Variants in ZNF793 observed in about 807,000 individuals in gnomAD.
ZNF793 encodes the protein zinc finger protein 793.
Under a neutral mutation model 12.4 loss-of-function variants are expected in ZNF793, and 5 were observed. The ratio of observed to expected loss-of-function variants is 0.40; its 90% CI spans 0.21 to 0.84. The LOEUF is 0.84. ZNF793 is among the 40% of genes least tolerant of loss of function. ZNF793 has a pLI of 0.35. For missense variants in ZNF793, 456 were observed against 495.0 expected, an observed-to-expected ratio of 0.92 and a Z score of 0.75; for synonymous variants, 162 against 172.4, an observed-to-expected ratio of 0.94 and a Z score of 0.47.
In ZNF793 at chr19:37,537,000, T is replaced by A; in HGVS notation, c.342T>A (p.Cys114Ter). The change falls in exon 8 of 8, where the codon TGT (cysteine) becomes TGA (stop). Residue 114 changes from cysteine to a stop codon, truncating the protein, a stop_gained. Transcript: ENST00000627814. LOFTEE classifies it low-confidence loss of function (END_TRUNC). Reference protein sequence around the residue: ...SKKTLPKEKSCEYNKFGKISL... With the variant: ...SKKTLPKEKS ...AAACATTGCCCAAGGAGAAAAGCTG[T>A]GAATATAATAAGTTTGGGAAAATAT... 1 of 1,613,918 alleles carries A rather than the reference T, an allele frequency of 6.2e-7. No homozygotes were observed. Among genetic ancestry groups the A allele is most frequent in the East Asian group, 2.2e-5 (1 of 44,882 alleles).
At chr19:37,513,411 T>C (rs1453056362) in intron 2 of ZNF793, among the ~76,000 whole-genome samples, 1 of 152,202 alleles carries the variant, frequency 6.6e-6, no homozygotes, top group Non-Finnish European at 1.5e-5. Flanking sequence ...AAAGTCCTAT[T>C]TGCATACAAA....
At chr19:37,521,847 A>G (rs866668921) in intron 3 of ZNF793, among the ~76,000 whole-genome samples, 15 of 152,220 alleles carry the variant, frequency 9.9e-5, no homozygotes, top group Middle Eastern at 6.8e-3. Context: ...ATCTATATAA[A>G]GCCATGTTTG....
intron 6 of ZNF793, 112 bp from the exon 7 acceptor site, chr19:37,533,196 T>A: frequency 1.2e-6 from 1 of 810,058 alleles, no homozygotes; most frequent in Non-Finnish European, 2.0e-6. Flanking sequence ...ACAAGGTGTG[T>A]GTTTAGTCCC....
chr19:37,537,278 C>A lies in ZNF793; in HGVS notation c.620C>A (p.Pro207Gln). Residue 207 changes from proline (P) to glutamine (Q), a missense_variant, in exon 8 of 8, where the codon CCA (proline) becomes CAA (glutamine). Coordinates refer to ENST00000627814, the MANE Select transcript of ZNF793 (RefSeq NM_001013659.3). ...CAGAACCCGGCACTTATGTATAAAC[C>A]AGCAGTAAGTGATTCTCTCTTGTAC... is the stretch of plus-strand genomic sequence containing the variant. ...FTQNPALMYKPAVSDSLLYKR... is the reference protein window; with the variant it reads ...FTQNPALMYKQAVSDSLLYKR... 6.2e-7 allele frequency: 1 copy of A among 1,613,844 alleles called. No individual in the cohort carries two copies.
intron 7 of ZNF793, 199 bp from the exon 8 acceptor site, chr19:37,536,698 C>A: frequency 1.7e-6 from 1 of 577,200 alleles, no homozygotes; most frequent in Non-Finnish European, 2.9e-6. Context: ...AATTATTGGT[C>A]TCTATACTCT....
chr19:37,507,502 G>T (rs1197914358), intron 1 of ZNF793, among the ~76,000 whole-genome samples: 1 of 152,178 alleles, frequency 6.6e-6, no homozygotes, highest in Non-Finnish European at 1.5e-5. Context: ...GAGGTCAGTG[G>T]TGATGAATGT....
chr19:37,537,657 C>T lies in ZNF793; in HGVS notation c.999C>T (p.His333=), dbSNP rs1319126625. Residue 333 remains histidine (H), a synonymous_variant, in exon 8 of 8, where the codon CAC becomes CAT. Coordinates refer to ENST00000627814, the MANE Select transcript of ZNF793 (RefSeq NM_001013659.3). ...KSYLNVHRKM[H]TGERPYRCRE... ...ACCTCAATGTACATCGAAAAATGCA[C>T]ACAGGAGAAAGACCGTATCGTTGCA... 3.7e-6 allele frequency: 6 copies of T among 1,613,730 alleles called. No individual in the cohort carries two copies. Among genetic ancestry groups the T allele is most frequent in the Non-Finnish European group, 5.1e-6 (6 of 1,179,720 alleles).
rs772159185 is a variant in ZNF793, at chr19:37,523,454, G to C, written c.15G>C (p.Gln5His). Residue 5 changes from glutamine to histidine, a missense_variant and splice_region_variant, in exon 5 of 8, where the codon CAG (glutamine) becomes CAC (histidine). By Grantham distance (24) the Gln-to-His change is conservative. Coordinates refer to ENST00000627814, the MANE Select transcript of ZNF793 (RefSeq NM_001013659.3). ...AACAGCAGAAAATGATCGAATACCA[G>C]GTAAGTATCACATTAAGTAGCCCAG... is the stretch of plus-strand genomic sequence containing the variant. MIEYQIPVSFKDVVV... is the reference protein window; with the variant it reads MIEYHIPVSFKDVVV... The C allele has an allele frequency of 1.2e-5, 20 of 1,613,682 alleles. No individual in the cohort carries two copies. The highest frequency in any genetic ancestry group is 1.7e-5 in the Non-Finnish European group (20 of 1,179,670).
intron 3 of ZNF793, among the ~76,000 whole-genome samples, chr19:37,521,360 C>T (rs945330747): frequency 2.7e-5 from 4 of 149,642 alleles, no homozygotes; most frequent in East Asian, 2.0e-4. Flanking sequence ...CGACCTCAAG[C>T]GATCCACCCA....
Position 37,516,296 on chromosome 19 carries a change from G to A in ZNF793, c.-275-3888G>A, listed in dbSNP as rs569308744. Among the ~76,000 whole-genome samples, 5 of 152,160 alleles carry A rather than the reference G, an allele frequency of 3.3e-5. 1 individual carries two copies. The highest frequency in any genetic ancestry group is 7.2e-5 in the African/African-American group (3 of 41,516). On this transcript the variant is annotated intron_variant, in intron 2 of 7. Transcript: ENST00000627814. ...ATTACAGGCATGTGCTGCTACACCC[G>A]GCTAATTTTTGCATTTTTAGTAGAG...
chr19:37,529,211 G>A (rs2042438534), intron 5 of ZNF793, among the ~76,000 whole-genome samples: 1 of 152,178 alleles, frequency 6.6e-6, no homozygotes, highest in South Asian at 2.1e-4. Context: ...ATGGGCATAT[G>A]TTTTGGTACA....
At chr19:37,513,441 C>G (rs980372573) in intron 2 of ZNF793, among the ~76,000 whole-genome samples, 28 of 152,218 alleles carry the variant, frequency 1.8e-4, no homozygotes, top group African/African-American at 6.0e-4. Flanking sequence ...GCACATTAGA[C>G]ACTTACAAAA....
chr19:37,517,512 G>T (rs1434226303), intron 2 of ZNF793, among the ~76,000 whole-genome samples: 1 of 151,680 alleles, frequency 6.6e-6, no homozygotes, highest in Admixed American at 6.6e-5. Context: ...CTTTTAGAAG[G>T]CAAATCTGTC....
At chr19:37,536,527 A>G in intron 7 of ZNF793, 1 of 407,208 alleles carries the variant, frequency 2.5e-6, no homozygotes, top group Non-Finnish European at 4.3e-6. Flanking sequence ...TTATTAGAAC[A>G]CAACCACATT....
chr19:37,536,704 A>C, intron 7 of ZNF793, 193 bp from the exon 8 acceptor site: 1 of 597,756 alleles, frequency 1.7e-6, no homozygotes, highest in East Asian at 2.8e-5. Context: ...TGGTCTCTAT[A>C]CTCTATGATA....
intron 7 of ZNF793, chr19:37,533,824 T>G: frequency 3.0e-6 from 1 of 333,892 alleles, no homozygotes; most frequent in Non-Finnish European, 5.4e-6. Context: ...AGCAGTGAAT[T>G]CCATGTTGGG....
chr19:37,538,169 C>T lies in ZNF793; in HGVS notation c.*290C>T, dbSNP rs1405452749. 7.0e-6 allele frequency: 2 copies of T among 284,926 alleles called. No individual in the cohort carries two copies. The highest frequency in any genetic ancestry group is 4.8e-5 in the Admixed American group (1 of 20,882). 17.6% of individuals were successfully genotyped at this position (284,926 alleles called of 1,614,324 possible). On this transcript the variant is annotated 3_prime_UTR_variant, in exon 8 of 8. Coordinates refer to ENST00000627814, the MANE Select transcript of ZNF793 (RefSeq NM_001013659.3). ...TGACCTTGTGATCTGCCCGCCTTGT[C>T]CTCCCAAAGTGCTGGGATTACAGGC... is the stretch of plus-strand genomic sequence containing the variant.
In ZNF793 at chr19:37,537,652, A is replaced by G; in HGVS notation, c.994A>G (p.Met332Val). 1 of 1,613,842 alleles carries G rather than the reference A, an allele frequency of 6.2e-7. No homozygotes were observed. Among genetic ancestry groups the G allele is most frequent in the Non-Finnish European group, 8.5e-7 (1 of 1,179,808 alleles). ...GTCATACCTCAATGTACATCGAAAA[A>G]TGCACACAGGAGAAAGACCGTATCG... ...EKSYLNVHRK[M>V]HTGERPYRCR... The change falls in exon 8 of 8, where the codon ATG becomes GTG. Residue 332 changes from methionine to valine, a missense_variant. Physicochemically the swap from Met to Val is conservative, Grantham distance 21. Transcript: ENST00000627814.
intron 2 of ZNF793, among the ~76,000 whole-genome samples, chr19:37,519,883 A>G (rs1465194384): frequency 1.3e-5 from 2 of 152,370 alleles, no homozygotes; most frequent in East Asian, 3.9e-4. Flanking sequence ...TCTGTTTGAC[A>G]GCCTCTTTCT....
Sources: allele counts gnomAD v4.1 joint callset (sites outside exome capture counted in the v4.1 genomes callset), GRCh38; gene constraint gnomAD v4.1.1; transcripts MANE v1.5; gene names NCBI Gene and HGNC (gene_info 2026-07-23, HGNC 2026-07-21).